Variants in PRORP observed in about 807,000 individuals in gnomAD.
PRORP encodes protein only RNase P catalytic subunit, also known as mitochondrial ribonuclease P catalytic subunit.
A neutral mutation model predicts 59.4 loss-of-function variants in PRORP; 51 were observed. The observed-to-expected ratio is 0.86, with a 90% CI of 0.69 to 1.08. PRORP has a LOEUF of 1.08. Among genes scored for constraint, PRORP ranks in the 50% least tolerant of loss-of-function variants. PRORP has a pLI of 0.00. For missense variants in PRORP, 646 were observed against 690.3 expected (o/e 0.94, Z 0.72); for synonymous variants, 231 against 245.6 (o/e 0.94, Z 0.55).
chr14:35,127,991 G>A (rs560464876), intron 4 of PRORP, among the ~76,000 whole-genome samples: 54 of 152,324 alleles, frequency 3.5e-4, no homozygotes, highest in Non-Finnish European at 6.5e-4. Context: ...TATTCTTTCT[G>A]TAAGTGCTTC....
At chr14:35,222,995 C>CT (rs900433311) in intron 5 of PRORP, among the ~76,000 whole-genome samples, 1 of 152,168 alleles carries the variant, frequency 6.6e-6, no homozygotes, top group Non-Finnish European at 1.5e-5. Flanking sequence ...CCTATCCTAC[C>CT]TCTGAATGCT....
intron 5 of PRORP, among the ~76,000 whole-genome samples, chr14:35,255,291 C>T (rs1040662010): frequency 2.0e-5 from 3 of 152,032 alleles, no homozygotes; most frequent in African/African-American, 7.2e-5. Context: ...CCACGCCTGG[C>T]TAATTTTTTT....
At chr14:35,205,470 G>A (rs186800759) in intron 5 of PRORP, among the ~76,000 whole-genome samples, 32 of 152,154 alleles carry the variant, frequency 2.1e-4, no homozygotes, top group African/African-American at 6.3e-4. Flanking sequence ...GATTACAGGC[G>A]TGAGGCACCA....
At chr14:35,232,834 G>A (rs1350310390) in intron 5 of PRORP, among the ~76,000 whole-genome samples, 1 of 151,972 alleles carries the variant, frequency 6.6e-6, no homozygotes, top group Admixed American at 6.6e-5. Flanking sequence ...CACCACGACC[G>A]GCTAATTTTT....
Position 35,273,823 on chromosome 14 carries a change from T to C in PRORP, c.*257T>C, listed in dbSNP as rs549778949. ...TGTAGAGCAAAACCTGCATTTCTCC[T>C]ACTGGGCCAGCTATTCCACTTAGCT... On this transcript the variant is annotated 3_prime_UTR_variant, in exon 8 of 8. Transcript: ENST00000534898. 3.2e-5 allele frequency: 8 copies of C among 253,096 alleles called. No individual in the cohort carries two copies. The highest frequency in any genetic ancestry group is 1.6e-4 in the African/African-American group (7 of 44,572). The allele number at this position is 253,096 out of a possible 1,614,324, so 15.7% of individuals were successfully genotyped here. A position where few individuals can be genotyped will look rare whatever the true frequency, so the allele number is the denominator to read the frequency against.
At chr14:35,129,965 G>A (rs2138793966) in intron 4 of PRORP, among the ~76,000 whole-genome samples, 1 of 150,354 alleles carries the variant, frequency 6.7e-6, no homozygotes, top group East Asian at 1.9e-4. Flanking sequence ...ATATCTTACT[G>A]TACTATCAAT....
chr14:35,160,158 C>G (rs2048021434), intron 4 of PRORP, among the ~76,000 whole-genome samples: 1 of 152,168 alleles, frequency 6.6e-6, no homozygotes, highest in African/African-American at 2.4e-5. Context: ...GGAGGGAAAA[C>G]CACTGATGAG....
Position 35,273,645 on chromosome 14 carries a change from T to G in PRORP, c.*79T>G. On this transcript the variant is annotated 3_prime_UTR_variant, in exon 8 of 8. Transcript: ENST00000534898. ...AGAGGCTCTTGAGCTGGTGTTTGTTTAGGGCATTGCCTCTGTCCTGAAGAT... is the reference window on the plus strand; with the variant it reads ...AGAGGCTCTTGAGCTGGTGTTTGTTGAGGGCATTGCCTCTGTCCTGAAGAT... The G allele has an allele frequency of 7.4e-7, 1 of 1,343,844 alleles. No individual in the cohort carries two copies. Among genetic ancestry groups the G allele is most frequent in the Non-Finnish European group, 1.0e-6 (1 of 982,702 alleles). 83.2% of individuals were successfully genotyped at this position (1,343,844 alleles called of 1,614,324 possible). A position where few individuals can be genotyped will look rare whatever the true frequency, so the allele number is the denominator to read the frequency against.
At chr14:35,131,577 G>A (rs1251093052) in intron 4 of PRORP, among the ~76,000 whole-genome samples, 3 of 150,744 alleles carry the variant, frequency 2.0e-5, no homozygotes, top group Non-Finnish European at 4.4e-5. Context: ...CACCCAGGCT[G>A]GAGTGCAGTG....
chr14:35,235,246 AC>A, intron 5 of PRORP: 1 of 725,116 alleles, frequency 1.4e-6, no homozygotes, highest in Non-Finnish European at 2.5e-6. Flanking sequence ...CAGACTTGGG[AC>A]CCAGGACATT....
At chr14:35,129,619 C>T (rs1437789718) in intron 4 of PRORP, among the ~76,000 whole-genome samples, 4 of 151,700 alleles carry the variant, frequency 2.6e-5, no homozygotes, top group South Asian at 2.1e-4. Context: ...GAATTACAGG[C>T]GCACACCACC....
At chr14:35,194,768 G>GC (rs1226345404) in intron 5 of PRORP, among the ~76,000 whole-genome samples, 1 of 152,050 alleles carries the variant, frequency 6.6e-6, no homozygotes, top group Non-Finnish European at 1.5e-5. Flanking sequence ...AGCCTCAACA[G>GC]CCATTACTGT....
intron 4 of PRORP, among the ~76,000 whole-genome samples, chr14:35,171,154 T>G (rs1213089437): frequency 1.3e-5 from 2 of 152,152 alleles, no homozygotes; most frequent in African/African-American, 4.8e-5. Context: ...TAGCCTTCTT[T>G]CTTTTTTGTA....
intron 5 of PRORP, among the ~76,000 whole-genome samples, chr14:35,192,981 GA>G (rs57452893): frequency 0.42 from 58,121 of 139,700 alleles, 11,820 homozygotes; most frequent in East Asian, 0.69. Context: ...TGACAGAGTA[GA>G]AAAAAAAAAA....
intron 4 of PRORP, among the ~76,000 whole-genome samples, chr14:35,147,122 C>T (rs879264942): frequency 1.1e-4 from 17 of 152,154 alleles, no homozygotes; most frequent in Admixed American, 7.9e-4. Context: ...ACTTATCTTT[C>T]CACTATGCTG....
intron 4 of PRORP, among the ~76,000 whole-genome samples, chr14:35,151,639 TACAC>T (rs55940352): frequency 0.17 from 24,328 of 141,656 alleles, 2,031 homozygotes; most frequent in South Asian, 0.28. Flanking sequence ...CACACACACA[TACAC>T]ACACACACAC....
intron 5 of PRORP, among the ~76,000 whole-genome samples, chr14:35,239,465 C>T (rs2050305363): frequency 1.3e-5 from 2 of 152,074 alleles, no homozygotes; most frequent in African/African-American, 4.8e-5. Context: ...AGGTGGAGCC[C>T]CTTTTCTCCT....
chr14:35,217,508 AAAAAAAAAAG>A (rs2049635150), intron 5 of PRORP, among the ~76,000 whole-genome samples: 1 of 151,736 alleles, frequency 6.6e-6, no homozygotes, highest in Admixed American at 6.6e-5. Context: ...CTCAAAAAAA[AAAAAAAAAAG>A]AAAAGAAACC....
intron 5 of PRORP, among the ~76,000 whole-genome samples, chr14:35,254,638 C>T (rs900330695): frequency 6.6e-6 from 1 of 152,168 alleles, no homozygotes; most frequent in African/African-American, 2.4e-5. Context: ...GTGCTCCACC[C>T]GCTTTGGCCT....
Sources: gnomAD v4.1 joint callset for allele counts (sites outside exome capture counted in the v4.1 genomes callset) on GRCh38, gnomAD v4.1.1 for gene constraint, MANE v1.5 for transcripts, NCBI Gene and HGNC (gene_info 2026-07-23, HGNC 2026-07-21) for gene names.